RAP1GAP2: variants seen among roughly 807,000 people sequenced by gnomAD.
RAP1GAP2 encodes the protein RAP1 GTPase activating protein 2.
Under a neutral mutation model 95.0 loss-of-function variants are expected in RAP1GAP2, and 27 were observed. The observed-to-expected ratio is 0.28, with a 90% CI of 0.21 to 0.39. RAP1GAP2 has a LOEUF of 0.39. Among genes scored for constraint, RAP1GAP2 ranks in the 10% least tolerant of loss-of-function variants. RAP1GAP2 has a pLI of 1.00. For missense variants in RAP1GAP2, 771 were observed against 970.0 expected, an observed-to-expected ratio of 0.79 and a Z score of 2.72; for synonymous variants, 373 against 380.9, an observed-to-expected ratio of 0.98 and a Z score of 0.24.
rs1397998278 is a variant in RAP1GAP2, at chr17:2,867,590, A to G, written c.81-37694A>G. 6.6e-6 allele frequency among the ~76,000 whole-genome samples: 1 copy of G among 152,118 alleles called. No homozygotes were observed. The highest frequency in any genetic ancestry group is 1.5e-5 in the Non-Finnish European group (1 of 68,024). On this transcript the variant is annotated intron_variant, in intron 2 of 24. Transcript: ENST00000254695. The surrounding 1 kb of genome is among the most constrained non-coding windows in gnomAD (Gnocchi z 4.5). ...AAGTGAGTCACATACGCATCCCTGA[A>G]CTTTGGCCAGAGGGGTGGGATACAC... is the stretch of plus-strand genomic sequence containing the variant.
chr17:2,757,350 G>A (rs552465271), intron 1 of RAP1GAP2, among the ~76,000 whole-genome samples: 2 of 152,054 alleles, frequency 1.3e-5, no homozygotes, highest in Non-Finnish European at 2.9e-5. Flanking sequence ...TCGAACTCCT[G>A]GGCTCGAGCG....
At chr17:2,973,528 G>A (rs947865200) in intron 8 of RAP1GAP2, among the ~76,000 whole-genome samples, 11 of 151,992 alleles carry the variant, frequency 7.2e-5, no homozygotes, top group Non-Finnish European at 1.6e-4. Context: ...ACAAACAAAA[G>A]GAAAACAGTA....
In RAP1GAP2 at chr17:2,796,537, C is replaced by G. The variant is rs746923589; in HGVS notation, c.10C>G (p.Arg4Gly). The stretch of plus-strand genomic sequence containing the variant: ...CTCTGCAGCCACAACCATGTTTGGC[C>G]GGAAGCGCAGTGTCTCCTTTGGGGG... MFG[R>G]KRSVSFGGFG... Residue 4 changes from arginine (R) to glycine (G), a missense_variant, in exon 1 of 25, where the codon CGG (arginine) becomes GGG (glycine). By Grantham distance (125) the Arg-to-Gly change is moderately radical (BLOSUM62 -2). Transcript: ENST00000254695. This position sits in a 1 kb window ranked among gnomAD's most constrained non-coding sequence, Gnocchi z 4.7. The G allele has an allele frequency of 1.3e-6, 2 of 1,563,800 alleles. No homozygotes were observed. The highest frequency in any genetic ancestry group is 1.7e-6 in the Non-Finnish European group (2 of 1,154,124).
chr17:3,018,217 C>G lies in RAP1GAP2; in HGVS notation c.1632+19C>G. On this transcript the variant is annotated intron_variant, in intron 18 of 24. Coordinates refer to ENST00000254695, the MANE Select transcript of RAP1GAP2 (RefSeq NM_015085.5). ...CTTCTCGGTGAGTGCTGGCAGGCCC[C>G]GGGGCGGCAAGTGGGTCCCAGGGAG... 6.5e-7 allele frequency: 1 copy of G among 1,545,358 alleles called. No homozygotes were observed. Among genetic ancestry groups the G allele is most frequent in the South Asian group, 1.2e-5 (1 of 84,054 alleles).
intron 2 of RAP1GAP2, among the ~76,000 whole-genome samples, chr17:2,874,075 C>G (rs1244456228): frequency 2.0e-5 from 3 of 152,202 alleles, no homozygotes; most frequent in East Asian, 1.9e-4. Flanking sequence ...TGCACCTGGC[C>G]TGGCTTTCTC....
At chr17:2,787,629 G>A (rs1271506665) in intron 1 of RAP1GAP2, among the ~76,000 whole-genome samples, 4 of 151,886 alleles carry the variant, frequency 2.6e-5, no homozygotes, top group South Asian at 4.1e-4. Flanking sequence ...GTGCAGTGGC[G>A]CCATCTCAGC....
intron 2 of RAP1GAP2, among the ~76,000 whole-genome samples, chr17:2,807,176 C>A (rs181124990): frequency 6.6e-6 from 1 of 152,254 alleles, no homozygotes; most frequent in East Asian, 1.9e-4. Context: ...GGATTACAGG[C>A]TTGGGCCACC....
At chr17:2,885,880 A>G (rs2073477732) in intron 2 of RAP1GAP2, among the ~76,000 whole-genome samples, 1 of 152,142 alleles carries the variant, frequency 6.6e-6, no homozygotes. Context: ...CATTATTGAC[A>G]TTGATGCATC....
rs1410794168 is a variant in RAP1GAP2, at chr17:3,034,652, G to T, written c.*1291G>T. 1 of 152,984 alleles carries T rather than the reference G, an allele frequency of 6.5e-6. No individual in the cohort carries two copies. Among genetic ancestry groups the T allele is most frequent in the African/African-American group, 2.4e-5 (1 of 41,470 alleles). 9.5% of individuals were successfully genotyped at this position (152,984 alleles called of 1,614,324 possible). On this transcript the variant is annotated 3_prime_UTR_variant, in exon 25 of 25. Coordinates refer to ENST00000254695, the MANE Select transcript of RAP1GAP2 (RefSeq NM_015085.5). The surrounding 1 kb of genome is among the most constrained non-coding windows in gnomAD (Gnocchi z 5.1). ...GCAACCTGGACCCCATCTGGGTGTG[G>T]GTCAGACCCTGTGACCCACATGCCA...
chr17:2,758,169 A>AC (rs2071182540), intron 1 of RAP1GAP2, among the ~76,000 whole-genome samples: 1 of 113,668 alleles, frequency 8.8e-6, no homozygotes, highest in Admixed American at 9.1e-5. Flanking sequence ...ACGCCTGGCC[A>AC]CGCCCCCCCC....
At chr17:3,006,170 A>G (rs1350305354) in intron 16 of RAP1GAP2, 129 bp downstream of exon 16, 1 of 747,448 alleles carries the variant, frequency 1.3e-6, no homozygotes, top group Non-Finnish European at 2.1e-6. Context: ...TCTGTTACCC[A>G]GGCTGGAGTG....
chr17:2,879,827 G>A (rs551688171), intron 2 of RAP1GAP2, among the ~76,000 whole-genome samples: 24 of 151,934 alleles, frequency 1.6e-4, no homozygotes, highest in South Asian at 1.2e-3. Context: ...TCTCCTGCTC[G>A]TCTCTTGTCC....
In RAP1GAP2 at chr17:3,027,090, G is replaced by A. The variant is rs1414239319; in HGVS notation, c.2107+20G>A. On this transcript the variant is annotated intron_variant, in intron 22 of 24. Coordinates refer to ENST00000254695, the MANE Select transcript of RAP1GAP2 (RefSeq NM_015085.5). This position sits in a 1 kb window ranked among gnomAD's most constrained non-coding sequence, Gnocchi z 5.2. ...CCACAGGTCAGTGGCATCTGGTGGT[G>A]TGTGTGACGTCACCAGGAGGGCAGG... 5 of 1,561,744 alleles carry A rather than the reference G, an allele frequency of 3.2e-6. No homozygotes were observed. The highest frequency in any genetic ancestry group is 3.7e-5 in the Admixed American group (2 of 53,374).
chr17:2,886,123 G>T (rs2073490079), intron 2 of RAP1GAP2, among the ~76,000 whole-genome samples: 1 of 148,920 alleles, frequency 6.7e-6, no homozygotes, highest in South Asian at 2.1e-4. Flanking sequence ...TTTTCCCAAT[G>T]AATATGTATT....
intron 3 of RAP1GAP2, among the ~76,000 whole-genome samples, chr17:2,923,041 AT>A (rs35642475): frequency 0.37 from 45,789 of 124,538 alleles, 7,385 homozygotes; most frequent in Admixed American, 0.43. Flanking sequence ...ACACCTGGCT[AT>A]TTTTTTTTTT....
At position 2,867,058 on chromosome 17, in the gene RAP1GAP2, G is replaced by A. The variant is rs902346067; in HGVS notation, c.81-38226G>A. 9.2e-5 allele frequency among the ~76,000 whole-genome samples: 14 copies of A among 151,918 alleles called. No individual in the cohort carries two copies. The East Asian group carries it at 2.1e-3, about 23-fold the overall frequency. ...TGGGATTACAGGTGCCCACTGTCATGTCTAGCTAATTTTTGTATTTGTAGT... is the reference window on the plus strand; with the variant it reads ...TGGGATTACAGGTGCCCACTGTCATATCTAGCTAATTTTTGTATTTGTAGT... On this transcript the variant is annotated intron_variant, in intron 2 of 24. Transcript: ENST00000254695. This position sits in a 1 kb window ranked among gnomAD's most constrained non-coding sequence, Gnocchi z 4.5.
Position 2,839,442 on chromosome 17 carries a change from T to C in RAP1GAP2, c.80+38892T>C, listed in dbSNP as rs2071279428. 2.0e-5 allele frequency among the ~76,000 whole-genome samples: 3 copies of C among 152,214 alleles called. No homozygotes were observed. In the South Asian group the frequency reaches 6.2e-4, roughly 32 times the overall value. On this transcript the variant is annotated intron_variant, in intron 2 of 24. Transcript: ENST00000254695. ...ACGATCCATTTGCTATAATTAACATTAGTGTGGTCCATTTGCTATAATTAA... is the reference window on the plus strand; with the variant it reads ...ACGATCCATTTGCTATAATTAACATCAGTGTGGTCCATTTGCTATAATTAA...
intron 2 of RAP1GAP2, among the ~76,000 whole-genome samples, chr17:2,808,562 G>A (rs2069620384): frequency 6.6e-6 from 1 of 152,172 alleles, no homozygotes; most frequent in Admixed American, 6.5e-5. Context: ...CAGCTGCACG[G>A]CGTCCCCTCG....
chr17:2,760,020 C>T (rs1417259081), intron 1 of RAP1GAP2, among the ~76,000 whole-genome samples: 2 of 152,150 alleles, frequency 1.3e-5, no homozygotes, highest in Non-Finnish European at 2.9e-5. Flanking sequence ...AGTTTCTTCA[C>T]AATTTTGCTC....
Sources: gnomAD v4.1 joint callset for allele counts (sites outside exome capture counted in the v4.1 genomes callset) on GRCh38, gnomAD v4.1.1 for gene constraint, Gnocchi (gnomAD v3.1) non-coding constraint, MANE v1.5 for transcripts, NCBI Gene and HGNC (gene_info 2026-07-23, HGNC 2026-07-21) for gene names.